Variants in SYN2 observed in about 807,000 individuals in gnomAD.
SYN2 encodes synapsin-2.
SYN2 carries 19 observed loss-of-function variants against 50.9 expected under a neutral mutation model. The observed-to-expected ratio is 0.37, with a 90% CI of 0.26 to 0.55. SYN2 has a LOEUF of 0.55. Ranked by LOEUF, SYN2 falls within the 20% of genes least tolerant of loss-of-function variation. SYN2 has a pLI of 0.81. For synonymous variants in SYN2, 255 were observed against 224.9 expected, an observed-to-expected ratio of 1.13 and a Z score of -1.20; for missense variants, 587 against 576.4, an observed-to-expected ratio of 1.02 and a Z score of -0.19.
chr3:12,150,230 C>G (rs767693225), intron 4 of SYN2, among the ~76,000 whole-genome samples: 1 of 152,208 alleles, frequency 6.6e-6, no homozygotes, highest in African/African-American at 2.4e-5. Flanking sequence ...GTGAACTAAT[C>G]CAGTAGCCCT....
Position 12,098,881 on chromosome 3 carries a change from A to AT in SYN2, c.378-41770_378-41769insT, listed in dbSNP as rs56665925. On this transcript the variant is annotated intron_variant, in intron 1 of 12. Coordinates refer to ENST00000621198, the MANE Select transcript of SYN2 (RefSeq NM_133625.6). ...CATATATATATATATATATATATATAATGCAAATAGTAACCAAAAGAGAGT... is the reference window on the plus strand; with the variant it reads ...CATATATATATATATATATATATATATATGCAAATAGTAACCAAAAGAGAGT... Among the ~76,000 whole-genome samples, 22 of 146,466 alleles carry AT rather than the reference A, an allele frequency of 1.5e-4. No individual in the cohort carries two copies. The East Asian group carries it at 3.2e-3, about 21-fold the overall frequency.
At chr3:12,005,839 T>G (rs1693791313) in intron 1 of SYN2, among the ~76,000 whole-genome samples, 1 of 152,056 alleles carries the variant, frequency 6.6e-6, no homozygotes, top group African/African-American at 2.4e-5. Context: ...AAAGTACGAA[T>G]GAGGTCCACT....
At chr3:12,176,391 G>C (rs535477539) in intron 10 of SYN2, among the ~76,000 whole-genome samples, 1 of 152,302 alleles carries the variant, frequency 6.6e-6, no homozygotes, top group East Asian at 1.9e-4. Flanking sequence ...AGGCTGAATT[G>C]CTCATGCAGG....
intron 1 of SYN2, among the ~76,000 whole-genome samples, chr3:12,065,324 A>G (rs1158659102): frequency 2.6e-5 from 4 of 152,176 alleles, no homozygotes; most frequent in African/African-American, 4.8e-5. Flanking sequence ...AAACAGAACT[A>G]CTATTGAACC....
chr3:12,161,437 T>C (rs1373711068), intron 5 of SYN2, 109 bp from the exon 6 acceptor site: 3 of 1,199,452 alleles, frequency 2.5e-6, no homozygotes, highest in South Asian at 1.3e-5. Flanking sequence ...TAGATTGGAC[T>C]AGTTCTTTAA....
chr3:12,093,435 A>C (rs908272036), intron 1 of SYN2, among the ~76,000 whole-genome samples: 3 of 152,170 alleles, frequency 2.0e-5, no homozygotes, highest in African/African-American at 7.2e-5. Context: ...ACTCCCGGGC[A>C]TGTGAGTTAT....
chr3:12,116,482 G>T (rs1300898900), intron 1 of SYN2, among the ~76,000 whole-genome samples: 1 of 152,210 alleles, frequency 6.6e-6, no homozygotes, highest in East Asian at 1.9e-4. Flanking sequence ...CTTTTTGCTA[G>T]AGAGCTATAT....
At chr3:12,156,080 A>C (rs914512760) in intron 5 of SYN2, among the ~76,000 whole-genome samples, 14 of 152,214 alleles carry the variant, frequency 9.2e-5, no homozygotes, top group African/African-American at 3.4e-4. Context: ...CTCCTGGCCA[A>C]GGCATGGCAG....
chr3:12,137,929 G>A (rs370303756), intron 1 of SYN2, among the ~76,000 whole-genome samples: 38 of 152,214 alleles, frequency 2.5e-4, no homozygotes, highest in African/African-American at 7.7e-4. Context: ...TTAACCACAT[G>A]ATATACTATT....
At chr3:12,187,703 A>G in intron 12 of SYN2, 91 bp downstream of exon 12, 1 of 1,432,088 alleles carries the variant, frequency 7.0e-7, no homozygotes, top group Non-Finnish European at 9.2e-7. Flanking sequence ...ACCTTCAATC[A>G]GGTCTCCTCC....
intron 1 of SYN2, chr3:12,070,819 G>T: frequency 1.6e-6 from 1 of 607,810 alleles, no homozygotes; most frequent in South Asian, 1.4e-5. Flanking sequence ...GATCCTCACC[G>T]AGCACAGCTA....
At chr3:12,033,243 G>A (rs1056001007) in intron 1 of SYN2, among the ~76,000 whole-genome samples, 2 of 152,184 alleles carry the variant, frequency 1.3e-5, no homozygotes, top group Non-Finnish European at 2.9e-5. Context: ...CCTGTTCTCA[G>A]ATCTCCAGCT....
At chr3:12,152,464 A>G (rs987155286) in intron 5 of SYN2, among the ~76,000 whole-genome samples, 1 of 152,174 alleles carries the variant, frequency 6.6e-6, no homozygotes, top group African/African-American at 2.4e-5. Flanking sequence ...ACTCAGCTGA[A>G]GGGTACAGGG....
At chr3:12,156,069 TC>T in intron 5 of SYN2, among the ~76,000 whole-genome samples, 1 of 152,302 alleles carries the variant, frequency 6.6e-6, no homozygotes, top group East Asian at 1.9e-4. Context: ...GAATCTCCAC[TC>T]TCCTGGCCAA....
At chr3:12,129,330 C>G (rs1696740049) in intron 1 of SYN2, among the ~76,000 whole-genome samples, 1 of 152,096 alleles carries the variant, frequency 6.6e-6, no homozygotes, top group South Asian at 2.1e-4. Context: ...ACATTAAAGG[C>G]AGAGTCATTT....
In SYN2 at chr3:12,190,602, T is replaced by C; in HGVS notation, c.1726T>C (p.Phe576Leu). ...GACCATCCGGAGCTTGAGGAAGTCC[T>C]TTGCCAGCCTCTTTTCAGATTAGCT... Reference protein sequence around the residue: ...AETIRSLRKSFASLFSD With the variant: ...AETIRSLRKSLASLFSD The change falls in exon 13 of 13, where the codon TTT becomes CTT. Residue 576 changes from phenylalanine (F) to leucine (L), a missense_variant. Transcript: ENST00000621198. 2 of 1,613,010 alleles carry C rather than the reference T, an allele frequency of 1.2e-6. No homozygotes were observed. Among genetic ancestry groups the C allele is most frequent in the Non-Finnish European group, 1.7e-6 (2 of 1,179,466 alleles).
intron 1 of SYN2, among the ~76,000 whole-genome samples, chr3:12,097,728 A>G (rs182022670): frequency 6.6e-6 from 1 of 152,210 alleles, no homozygotes; most frequent in Non-Finnish European, 1.5e-5. Context: ...GCTGGAAACC[A>G]TCATTCTCAG....
intron 1 of SYN2, among the ~76,000 whole-genome samples, chr3:12,068,440 T>C (rs1695268875): frequency 6.6e-6 from 1 of 152,194 alleles, no homozygotes; most frequent in Non-Finnish European, 1.5e-5. Flanking sequence ...TGGCTTGCTT[T>C]TCCGAAATTT....
chr3:12,053,456 A>G (rs1184083851), intron 1 of SYN2, among the ~76,000 whole-genome samples: 1 of 151,766 alleles, frequency 6.6e-6, no homozygotes, highest in Non-Finnish European at 1.5e-5. Flanking sequence ...AAACAAAAAA[A>G]TATATATAGA....
Sources: allele counts gnomAD v4.1 joint callset (sites outside exome capture counted in the v4.1 genomes callset), GRCh38; gene constraint gnomAD v4.1.1; transcripts MANE v1.5; gene names NCBI Gene and HGNC (gene_info 2026-07-23, HGNC 2026-07-21).